The following NRG3 variants were observed in gnomAD, a reference collection of about 807,000 sequenced individuals.
NRG3 encodes the protein pro-neuregulin-3, membrane-bound isoform.
Under a neutral mutation model 66.9 loss-of-function variants are expected in NRG3, and 31 were observed. The observed-to-expected ratio is 0.46, with a 90% confidence interval of 0.35 to 0.63. The LOEUF is 0.63. Ranked by LOEUF, NRG3 falls within the 20% of genes least tolerant of loss-of-function variation. The pLI is 0.00. For synonymous variants in NRG3, 393 were observed against 359.4 expected (o/e 1.09, Z -1.06); for missense variants, 910 against 878.9 (o/e 1.04, Z -0.45).
At chr10:82,819,034 A>C (rs571600548) in intron 3 of NRG3, among the ~76,000 whole-genome samples, 1 of 152,370 alleles carries the variant, frequency 6.6e-6, no homozygotes, top group East Asian at 1.9e-4. Flanking sequence ...CTAAGTAATC[A>C]TGATGATGCC....
intron 2 of NRG3, among the ~76,000 whole-genome samples, chr10:82,643,038 T>C (rs930847460): frequency 1.3e-5 from 2 of 152,122 alleles, no homozygotes; most frequent in Admixed American, 6.6e-5. Context: ...TATACTCTTC[T>C]GCCTACCTTT....
chr10:82,073,444 T>A (rs2064917675), intron 1 of NRG3, among the ~76,000 whole-genome samples: 2 of 152,214 alleles, frequency 1.3e-5, no homozygotes, highest in South Asian at 4.1e-4. Context: ...TTCTTCTATA[T>A]ACAGTGTTAT....
intron 1 of NRG3, among the ~76,000 whole-genome samples, chr10:82,237,307 C>A (rs943637279): frequency 8.5e-5 from 13 of 152,142 alleles, no homozygotes; most frequent in African/African-American, 2.9e-4. Flanking sequence ...TTGCAAAGGT[C>A]ATTCTTTATA....
chr10:82,731,851 C>A (rs939932087), intron 2 of NRG3, among the ~76,000 whole-genome samples: 1 of 152,118 alleles, frequency 6.6e-6, no homozygotes, highest in Non-Finnish European at 1.5e-5. Flanking sequence ...AATCACCATT[C>A]TATGTTCCAT....
rs1372643790 is a variant in NRG3 at position 82,647,897 on chromosome 10, G to A, written c.954-90680G>A. Among the ~76,000 whole-genome samples, 8 of 147,992 alleles carry A rather than the reference G, an allele frequency of 5.4e-5. No homozygotes were observed. In the South Asian group the frequency reaches 1.6e-3, roughly 29 times the overall value. ...TTGTTTGAGTTCATTGTAGATTCTGGATATTAGCCCTTTGTCAGATGAGTA... is the reference window on the plus strand; with the variant it reads ...TTGTTTGAGTTCATTGTAGATTCTGAATATTAGCCCTTTGTCAGATGAGTA... On this transcript the variant is annotated intron_variant, in intron 2 of 8. Coordinates refer to ENST00000372141, the MANE Select transcript of NRG3 (RefSeq NM_001010848.4).
intron 1 of NRG3, among the ~76,000 whole-genome samples, chr10:82,132,494 T>G (rs200540981): frequency 6.8e-5 from 3 of 44,380 alleles, no homozygotes; most frequent in African/African-American, 3.3e-4. Flanking sequence ...ATATATATGA[T>G]ATATATATAT....
At chr10:82,319,491 A>G (rs1214212001) in intron 1 of NRG3, among the ~76,000 whole-genome samples, 1 of 152,140 alleles carries the variant, frequency 6.6e-6, no homozygotes, top group Non-Finnish European at 1.5e-5. Context: ...CCTCCTATCT[A>G]TTGTCCCTGG....
At chr10:82,952,992 A>G (rs1220251541) in intron 5 of NRG3, among the ~76,000 whole-genome samples, 2 of 152,110 alleles carry the variant, frequency 1.3e-5, no homozygotes, top group Non-Finnish European at 2.9e-5. Flanking sequence ...AGCATGGTAC[A>G]TTTGTCACAA....
intron 6 of NRG3, among the ~76,000 whole-genome samples, chr10:82,968,459 A>G (rs1346434886): frequency 6.6e-6 from 1 of 152,262 alleles, no homozygotes; most frequent in African/African-American, 2.4e-5. Flanking sequence ...TAATTCAAAC[A>G]TATGAAATAA....
At chr10:81,947,199 T>A (rs896267326) in intron 1 of NRG3, among the ~76,000 whole-genome samples, 1 of 152,174 alleles carries the variant, frequency 6.6e-6, no homozygotes, top group Non-Finnish European at 1.5e-5. Flanking sequence ...AGTCTCTTCA[T>A]GCCGTCTTCT....
chr10:82,629,721 T>C (rs1052875786), intron 2 of NRG3, among the ~76,000 whole-genome samples: 5 of 152,176 alleles, frequency 3.3e-5, no homozygotes, highest in African/African-American at 4.8e-5. Context: ...GAAGTAAACA[T>C]GGATTTTGAA....
Position 82,213,649 on chromosome 10 carries a change from A to G in NRG3, c.824-145090A>G, listed in dbSNP as rs2133670224. On this transcript the variant is annotated intron_variant, in intron 1 of 8. Transcript: ENST00000372141. The stretch of plus-strand genomic sequence containing the variant: ...AATATACTATAAAATATAAGGTATT[A>G]TCAATGTGTTTATGTTTACTGTGTA... Among the ~76,000 whole-genome samples the G allele has an allele frequency of 2.0e-5, 3 of 152,338 alleles. No individual in the cohort carries two copies. In the South Asian group the frequency reaches 6.2e-4, roughly 32 times the overall value.
chr10:82,095,485 A>G (rs562792199), intron 1 of NRG3, among the ~76,000 whole-genome samples: 1 of 152,310 alleles, frequency 6.6e-6, no homozygotes, highest in African/African-American at 2.4e-5. Context: ...TATACATTTC[A>G]ACAATTGCTG....
At chr10:82,467,446 T>C (rs1244029334) in intron 2 of NRG3, among the ~76,000 whole-genome samples, 1 of 152,128 alleles carries the variant, frequency 6.6e-6, no homozygotes, top group African/African-American at 2.4e-5. Context: ...AAAAATGGGA[T>C]ATGTTTTCCT....
At chr10:82,892,380 T>G (rs1350690639) in intron 4 of NRG3, among the ~76,000 whole-genome samples, 1 of 151,990 alleles carries the variant, frequency 6.6e-6, no homozygotes, top group Non-Finnish European at 1.5e-5. Flanking sequence ...ATGTTAGAAA[T>G]AGGCCAAGCA....
At chr10:82,984,650 G>C in intron 8 of NRG3, 1 of 802,204 alleles carries the variant, frequency 1.2e-6, no homozygotes, top group Non-Finnish European at 2.0e-6. Context: ...GCCACAACAA[G>C]TCTACTGGAC....
At chr10:82,498,409 G>C (rs888659116) in intron 2 of NRG3, among the ~76,000 whole-genome samples, 3 of 152,120 alleles carry the variant, frequency 2.0e-5, no homozygotes, top group African/African-American at 7.2e-5. Context: ...GCAGAAGTTA[G>C]AAGAGGCACC....
intron 1 of NRG3, among the ~76,000 whole-genome samples, chr10:82,209,097 CT>C (rs1368174793): frequency 6.6e-6 from 1 of 152,160 alleles, no homozygotes; most frequent in Non-Finnish European, 1.5e-5. Context: ...AATCACAAAG[CT>C]AACATCTTCA....
intron 7 of NRG3, among the ~76,000 whole-genome samples, chr10:82,974,420 G>T (rs1852054848): frequency 6.6e-6 from 1 of 152,150 alleles, no homozygotes; most frequent in Admixed American, 6.5e-5. Context: ...GAAATTGGCT[G>T]CTTTGGAGAA....
Sources: allele counts gnomAD v4.1 joint callset (sites outside exome capture counted in the v4.1 genomes callset), GRCh38; gene constraint gnomAD v4.1.1; transcripts MANE v1.5; gene names NCBI Gene and HGNC (gene_info 2026-07-23, HGNC 2026-07-21).